The following KATNIP variants were observed in gnomAD, a reference collection of about 807,000 sequenced individuals.
The protein encoded by KATNIP is katanin-interacting protein.
Under a neutral mutation model 174.0 loss-of-function variants are expected in KATNIP, and 126 were observed. That is an observed-to-expected ratio of 0.72 (90% confidence interval 0.63 to 0.84). The LOEUF is 0.84. Ranked by LOEUF, KATNIP falls within the 40% of genes least tolerant of loss-of-function variation. The pLI is 0.00. For synonymous variants in KATNIP, 810 were observed against 835.7 expected (o/e 0.97, Z 0.53); for missense variants, 1,958 against 2,109.7 (o/e 0.93, Z 1.41).
At position 27,777,149 on chromosome 16, in the gene KATNIP, G is replaced by C; in HGVS notation, c.4551+120G>C. The stretch of plus-strand genomic sequence containing the variant: ...CTCTGTTGCAACCCTCAACACAAAT[G>C]CCTGGTCGTCAGATGCAGGCGAATT... On this transcript the variant is annotated intron_variant, in intron 25 of 27. Transcript: ENST00000261588. The surrounding 1 kb of genome is among the most constrained non-coding windows in gnomAD (Gnocchi z 4.4). The C allele has an allele frequency of 1.4e-6, 1 of 695,222 alleles. No individual in the cohort carries two copies. Among genetic ancestry groups the C allele is most frequent in the South Asian group, 1.8e-5 (1 of 56,636 alleles). 43.1% of individuals were successfully genotyped at this position (695,222 alleles called of 1,614,324 possible).
Position 27,776,724 on chromosome 16 carries a change from G to T in KATNIP, c.4450-204G>T. On this transcript the variant is annotated intron_variant, in intron 24 of 27. Coordinates refer to ENST00000261588, the MANE Select transcript of KATNIP (RefSeq NM_015202.5). This position sits in a 1 kb window ranked among gnomAD's most constrained non-coding sequence, Gnocchi z 4.7. ...CAGGCCCTCCAAAAGCCAGCTCAGC[G>T]GTTTGTTGCAAATGCAGCCACACGT... The T allele has an allele frequency of 1.9e-6, 1 of 540,340 alleles. No individual in the cohort carries two copies. The highest frequency in any genetic ancestry group is 3.1e-5 in the East Asian group (1 of 32,472). The allele number at this position is 540,340 out of a possible 1,614,324, so 33.5% of individuals were successfully genotyped here. A position where few individuals can be genotyped will look rare whatever the true frequency, so the allele number is the denominator to read the frequency against.
At chr16:27,661,006 G>A (rs2077458706) in intron 6 of KATNIP, among the ~76,000 whole-genome samples, 1 of 152,138 alleles carries the variant, frequency 6.6e-6, no homozygotes, top group South Asian at 2.1e-4. Context: ...TGAGTGAGTG[G>A]TATAGCTGTT....
At chr16:27,737,711 C>A (rs1302957066) in intron 14 of KATNIP, among the ~76,000 whole-genome samples, 1 of 152,090 alleles carries the variant, frequency 6.6e-6, no homozygotes, top group African/African-American at 2.4e-5. Context: ...GGAGGAAAGT[C>A]ATCGCAAAGG....
Position 27,778,560 on chromosome 16 carries a change from C to A in KATNIP, c.4802-14C>A. 6.2e-7 allele frequency: 1 copy of A among 1,613,244 alleles called. No individual in the cohort carries two copies. Among genetic ancestry groups the A allele is most frequent in the Non-Finnish European group, 8.5e-7 (1 of 1,179,432 alleles). ...ACTTAGTAACTCTGGTCCCTCTGTT[C>A]CCTGTCATGACAGCCTTACGTCCCA... is the stretch of plus-strand genomic sequence containing the variant. On this transcript the variant is annotated splice_polypyrimidine_tract_variant and intron_variant, in intron 27 of 27. Transcript: ENST00000261588.
intron 6 of KATNIP, among the ~76,000 whole-genome samples, chr16:27,649,513 C>T (rs1382937204): frequency 1.3e-5 from 2 of 152,112 alleles, no homozygotes; most frequent in Non-Finnish European, 2.9e-5. Flanking sequence ...TTTTTAAAGA[C>T]GGAATTGTGC....
intron 2 of KATNIP, among the ~76,000 whole-genome samples, chr16:27,576,118 A>T (rs2090487757): frequency 1.3e-5 from 2 of 152,164 alleles, no homozygotes; most frequent in Admixed American, 1.3e-4. Flanking sequence ...CTATTTCTCC[A>T]CATTAAGAAA....
intron 2 of KATNIP, among the ~76,000 whole-genome samples, chr16:27,604,372 C>A (rs956105914): frequency 1.3e-5 from 2 of 152,090 alleles, no homozygotes; most frequent in African/African-American, 4.8e-5. Flanking sequence ...TAGCTTGGAC[C>A]ACAGGCACAC....
At chr16:27,778,488 C>G (rs111740133) in intron 27 of KATNIP, 86 bp from the exon 28 acceptor site, 1 of 1,382,340 alleles carries the variant, frequency 7.2e-7, no homozygotes, top group African/African-American at 1.5e-5. Context: ...GCAACCCAGG[C>G]TGCTGGATTT....
intron 2 of KATNIP, among the ~76,000 whole-genome samples, chr16:27,598,063 A>G (rs369955152): frequency 1.5e-4 from 23 of 152,242 alleles, no homozygotes; most frequent in African/African-American, 3.6e-4. Context: ...GCCCGTCTCT[A>G]CAAAAAATAA....
intron 8 of KATNIP, among the ~76,000 whole-genome samples, chr16:27,694,082 C>T (rs960671550): frequency 9.9e-5 from 15 of 152,232 alleles, no homozygotes; most frequent in African/African-American, 3.6e-4. Context: ...GGGTGCCTGG[C>T]AGAACTTGCT....
At chr16:27,608,762 A>G (rs2075797478) in intron 2 of KATNIP, among the ~76,000 whole-genome samples, 1 of 152,168 alleles carries the variant, frequency 6.6e-6, no homozygotes, top group African/African-American at 2.4e-5. Context: ...GGGGATAAAG[A>G]TAAGGATACC....
chr16:27,703,811 C>T (rs935593215), intron 11 of KATNIP, 85 bp from the exon 12 acceptor site: 2 of 1,016,432 alleles, frequency 2.0e-6, no homozygotes, highest in African/African-American at 3.1e-5. Flanking sequence ...ATTTCCTATC[C>T]CCGAGTGCAG....
intron 19 of KATNIP, among the ~76,000 whole-genome samples, chr16:27,763,414 C>G (rs1301916764): frequency 6.9e-6 from 1 of 143,896 alleles, no homozygotes; most frequent in Non-Finnish European, 1.5e-5. Flanking sequence ...CAAGACCAGC[C>G]TGGGCAACAT....
At chr16:27,742,883 G>A (rs945103416) in intron 15 of KATNIP, among the ~76,000 whole-genome samples, 6 of 151,532 alleles carry the variant, frequency 4.0e-5, no homozygotes, top group African/African-American at 1.5e-4. Context: ...TGGGGTACAC[G>A]TGCAGGATGT....
intron 8 of KATNIP, among the ~76,000 whole-genome samples, chr16:27,682,341 C>G (rs2078376708): frequency 6.6e-6 from 1 of 152,202 alleles, no homozygotes; most frequent in Admixed American, 6.5e-5. Context: ...GCAATTGTCC[C>G]CATTTCACAG....
At position 27,617,638 on chromosome 16, in the gene KATNIP, A is replaced by G. The variant is rs1198263966; in HGVS notation, c.64-787A>G. Among the ~76,000 whole-genome samples, 7 of 152,184 alleles carry G rather than the reference A, an allele frequency of 4.6e-5. No individual in the cohort carries two copies. In the East Asian group the frequency reaches 1.2e-3, roughly 25 times the overall value. ...AGGAGACACAGAACCACAGATGTCC[A>G]CTCCAAGTGGGCCTCCAGTCTGGGT... On this transcript the variant is annotated intron_variant, in intron 2 of 27. Transcript: ENST00000261588.
chr16:27,641,741 C>T (rs139455238), intron 5 of KATNIP, among the ~76,000 whole-genome samples: 317 of 152,328 alleles, frequency 2.1e-3, no homozygotes, highest in African/African-American at 7.2e-3. Flanking sequence ...ATTCCCAAGG[C>T]AAAGGAGGGG....
At chr16:27,658,648 T>C (rs962849328) in intron 6 of KATNIP, among the ~76,000 whole-genome samples, 4 of 152,180 alleles carry the variant, frequency 2.6e-5, no homozygotes, top group Non-Finnish European at 4.4e-5. Context: ...TATTCTGCAC[T>C]TCTGGAAACC....
At chr16:27,677,599 A>T in intron 6 of KATNIP, 130 bp from the exon 7 acceptor site, 1 of 958,990 alleles carries the variant, frequency 1.0e-6, no homozygotes, top group Non-Finnish European at 1.5e-6. Context: ...GTGACATCAC[A>T]AGGGTTGAGA....
Sources: gnomAD v4.1 joint callset for allele counts (sites outside exome capture counted in the v4.1 genomes callset) on GRCh38, gnomAD v4.1.1 for gene constraint, Gnocchi (gnomAD v3.1) non-coding constraint, MANE v1.5 for transcripts, NCBI Gene and HGNC (gene_info 2026-07-23, HGNC 2026-07-21) for gene names.